The following NMRAL1 variants were observed in gnomAD, a reference collection of about 807,000 sequenced individuals.
NMRAL1 encodes the protein NmrA like redox sensor 1.
A neutral mutation model predicts 27.5 loss-of-function variants in NMRAL1; 32 were observed. The ratio of observed to expected loss-of-function variants is 1.16; its 90% CI spans 0.88 to 1.56. The LOEUF (loss-of-function observed/expected upper bound fraction) is 1.56, where lower values mean the gene tolerates loss of function less well. Among genes scored for constraint, NMRAL1 ranks in the 40% most tolerant of loss-of-function variants. The pLI, the probability that NMRAL1 is intolerant of heterozygous loss-of-function variation, is 0.00. For synonymous variants in NMRAL1, 166 were observed against 166.8 expected (o/e 1.00, Z 0.04); for missense variants, 420 against 392.0 (o/e 1.07, Z -0.60).
In NMRAL1 at chr16:4,461,842, G is replaced by C; in HGVS notation, c.838C>G (p.Pro280Ala). 6.2e-7 allele frequency: 1 copy of C among 1,614,234 alleles called. No homozygotes were observed. The highest frequency in any genetic ancestry group is 8.5e-7 in the Non-Finnish European group (1 of 1,180,040). The change falls in exon 6 of 6, where the codon CCC becomes GCC. Residue 280 changes from proline to alanine, a missense_variant. Coordinates refer to ENST00000283429, the MANE Select transcript of NMRAL1 (RefSeq NM_020677.6). Reference protein sequence around the residue: ...RDIELTLRLNPKALTLDQWLE... With the variant: ...RDIELTLRLNAKALTLDQWLE... ...CACTGGTCCAGCGTCAGGGCCTTGG[G>C]GTTGAGTCTCAGGGTCAGCTCGATG...
chr16:4,473,032 G>A (rs1314856831), intron 2 of NMRAL1, among the ~76,000 whole-genome samples: 4 of 147,676 alleles, frequency 2.7e-5, no homozygotes, highest in Non-Finnish European at 5.9e-5. Flanking sequence ...CTGGAGTGCA[G>A]TGGCACAATC....
At chr16:4,465,657 C>A (rs926325143) in intron 4 of NMRAL1, among the ~76,000 whole-genome samples, 1 of 152,162 alleles carries the variant, frequency 6.6e-6, no homozygotes, top group Non-Finnish European at 1.5e-5. Context: ...ACCTCCACCT[C>A]CTGGGTTCAA....
rs752984533 is a variant in NMRAL1, at chr16:4,466,360, A to G, written c.322T>C (p.Tyr108His). The change falls in exon 4 of 6, where the codon TAT becomes CAT. Residue 108 changes from tyrosine (Y) to histidine (H), a missense_variant. Tyr to His is a moderately conservative substitution (Grantham distance 83). Transcript: ENST00000283429. ...TTCTCCAGGCCGCTGTAGACCACAT[A>G]GTGGAGGCCCAGGCGCCTGGCCAGA... ...ADLARRLGLH[Y>H]VVYSGLENIK... The G allele has an allele frequency of 1.9e-6, 3 of 1,613,418 alleles. No homozygotes were observed. The highest frequency in any genetic ancestry group is 4.5e-5 in the East Asian group (2 of 44,864).
chr16:4,463,229 T>C (rs1364028227), intron 5 of NMRAL1, among the ~76,000 whole-genome samples: 1 of 151,954 alleles, frequency 6.6e-6, no homozygotes, highest in African/African-American at 2.4e-5. Flanking sequence ...TACCCAAGAG[T>C]CTGTCCAGTA....
At chr16:4,473,433 TATAA>T (rs1028290756) in intron 2 of NMRAL1, among the ~76,000 whole-genome samples, 17 of 152,096 alleles carry the variant, frequency 1.1e-4, no homozygotes, top group African/African-American at 4.1e-4. Context: ...ATTAAATATG[TATAA>T]ATAAGAAAAA....
At chr16:4,468,703 T>C (rs923484545) in intron 3 of NMRAL1, among the ~76,000 whole-genome samples, 20 of 151,498 alleles carry the variant, frequency 1.3e-4, no homozygotes, top group Admixed American at 4.0e-4. Context: ...AAGACCATAA[T>C]TGAAGAAAGG....
At chr16:4,466,432 G>T (rs1418388551) in intron 3 of NMRAL1, 30 bp from the exon 4 acceptor site, 1 of 1,602,514 alleles carries the variant, frequency 6.2e-7, no homozygotes, top group Non-Finnish European at 8.5e-7. Context: ...AGATCACAAG[G>T]CTCAGAAGAA....
intron 4 of NMRAL1, 84 bp from the exon 5 acceptor site, chr16:4,463,934 G>T: frequency 8.5e-7 from 1 of 1,180,566 alleles, no homozygotes; most frequent in Non-Finnish European, 1.2e-6. Context: ...GGTCCAAGCT[G>T]GTTCTTCCCA....
At chr16:4,468,391 G>A (rs4424915) in intron 3 of NMRAL1, among the ~76,000 whole-genome samples, 100,498 of 152,004 alleles carry the variant, frequency 0.66, 33,967 homozygotes, top group Non-Finnish European at 0.73. Context: ...CGAGGTGGGC[G>A]GATCACCTGA....
At chr16:4,474,038 C>G in intron 2 of NMRAL1, 55 bp downstream of exon 2, 1 of 1,470,564 alleles carries the variant, frequency 6.8e-7, no homozygotes, top group Non-Finnish European at 9.5e-7. Flanking sequence ...GACGGGCGGT[C>G]TTCAGGGCTA....
intron 2 of NMRAL1, 119 bp downstream of exon 2, chr16:4,473,974 G>T: frequency 1.4e-6 from 1 of 720,546 alleles, no homozygotes; most frequent in Non-Finnish European, 2.4e-6. Flanking sequence ...TGCGACCACA[G>T]CCCCAACCTG....
intron 2 of NMRAL1, among the ~76,000 whole-genome samples, chr16:4,470,046 C>T (rs1250218331): frequency 6.6e-6 from 1 of 150,474 alleles, no homozygotes; most frequent in Non-Finnish European, 1.5e-5. Flanking sequence ...CCTGTAGTCA[C>T]AGCTACTCAG....
chr16:4,468,985 A>C (rs962209954), intron 3 of NMRAL1, among the ~76,000 whole-genome samples: 4 of 151,850 alleles, frequency 2.6e-5, no homozygotes, highest in Admixed American at 6.6e-5. Flanking sequence ...AAAAAAAAAA[A>C]AACAAACGAA....
Position 4,469,253 on chromosome 16 carries a change from A to G in NMRAL1, c.253T>C (p.Cys85Arg). The G allele has an allele frequency of 1.2e-6, 2 of 1,613,928 alleles. No individual in the cohort carries two copies. The highest frequency in any genetic ancestry group is 1.7e-6 in the Non-Finnish European group (2 of 1,179,894). Residue 85 changes from cysteine (C) to arginine (R), a missense_variant, in exon 3 of 6, where the codon TGC becomes CGC. By Grantham distance (180) the Cys-to-Arg change is radical. Transcript: ENST00000283429. ...TGCTTGACCTCCTGCTCCTGGCTGCAGCTCTCCCAGTAATTGGTCACGATG... is the reference window on the plus strand; with the variant it reads ...TGCTTGACCTCCTGCTCCTGGCTGCGGCTCTCCCAGTAATTGGTCACGATG... ...TFIVTNYWES[C>R]SQEQEVKQGK...
At chr16:4,466,809 A>C (rs2057348549) in intron 3 of NMRAL1, 1 of 216,660 alleles carries the variant, frequency 4.6e-6, no homozygotes, top group Non-Finnish European at 9.4e-6. Flanking sequence ...CTAGGTTCAA[A>C]TCAGGCTCTG....
Position 4,474,529 on chromosome 16 carries a change from TCCCTC to T in NMRAL1, c.-35+20_-35+24del, listed in dbSNP as rs1344932230. On this transcript the variant is annotated intron_variant, in intron 1 of 5. Transcript: ENST00000283429. ...ATGGAGCTGCGCGCTAGGCGCCAAC[TCCCTC>T]CCCGCAGCTCCGGCCCCACCTGGCA... is the stretch of plus-strand genomic sequence containing the variant. 2.3e-5 allele frequency: 4 copies of T among 171,154 alleles called. No individual in the cohort carries two copies. Among genetic ancestry groups the T allele is most frequent in the Non-Finnish European group, 3.8e-5 (3 of 79,920 alleles). The allele number at this position is 171,154 out of a possible 1,614,324, so 10.6% of individuals were successfully genotyped here.
At chr16:4,464,053 G>T (rs541995536) in intron 4 of NMRAL1, 1 of 551,130 alleles carries the variant, frequency 1.8e-6, no homozygotes, top group Non-Finnish European at 3.2e-6. Context: ...ATGGAATCCG[G>T]GTACTGCCAC....
In NMRAL1 at chr16:4,461,914, C is replaced by G; in HGVS notation, c.766G>C (p.Asp256His). The G allele has an allele frequency of 6.2e-7, 1 of 1,614,130 alleles. No individual in the cohort carries two copies. The part of the protein sequence containing the change: ...YEKLGFPGAR[D>H]LANMFRFYAL... Reference sequence around the variant, plus strand: ...TAGAAACGGAACATGTTGGCCAGGTCCCGGGCACCGGGAAAGCCAAGCTTT... The same window carrying G: ...TAGAAACGGAACATGTTGGCCAGGTGCCGGGCACCGGGAAAGCCAAGCTTT... The change falls in exon 6 of 6, where the codon GAC (aspartate) becomes CAC (histidine). Residue 256 changes from aspartate to histidine, a missense_variant. Physicochemically the swap from Asp to His is moderately conservative, Grantham distance 81 (BLOSUM62 -1). Transcript: ENST00000283429.
chr16:4,464,475 G>C (rs1347489450), intron 4 of NMRAL1, among the ~76,000 whole-genome samples: 1 of 152,088 alleles, frequency 6.6e-6, no homozygotes, highest in Non-Finnish European at 1.5e-5. Flanking sequence ...CAACTGTCTG[G>C]GTGTGGCCTG....
Sources: gnomAD v4.1 joint callset for allele counts (sites outside exome capture counted in the v4.1 genomes callset) on GRCh38, gnomAD v4.1.1 for gene constraint, MANE v1.5 for transcripts, NCBI Gene and HGNC (gene_info 2026-07-23, HGNC 2026-07-21) for gene names.